The following STXBP3 variants were observed in gnomAD, a reference collection of about 807,000 sequenced individuals.
STXBP3 encodes syntaxin binding protein 3.
In STXBP3, 41 loss-of-function variants were observed where a neutral mutation model predicts 85.7. The ratio of observed to expected loss-of-function variants is 0.48; its 90% CI spans 0.37 to 0.62. STXBP3 has a LOEUF of 0.62. STXBP3 is among the 20% of genes least tolerant of loss of function. STXBP3 has a pLI of 0.00. For missense variants in STXBP3, 563 were observed against 703.1 expected, an observed-to-expected ratio of 0.80 and a Z score of 2.25; for synonymous variants, 229 against 231.7, an observed-to-expected ratio of 0.99 and a Z score of 0.10.
At chr1:108,762,423 G>A (rs1445115807) in intron 6 of STXBP3, among the ~76,000 whole-genome samples, 2 of 151,792 alleles carry the variant, frequency 1.3e-5, no homozygotes, top group Non-Finnish European at 2.9e-5. Flanking sequence ...ATTGTCAGGG[G>A]TCTAGTCTCC....
chr1:108,783,158 G>A (rs1662751018), intron 11 of STXBP3, among the ~76,000 whole-genome samples: 1 of 152,224 alleles, frequency 6.6e-6, no homozygotes, highest in Non-Finnish European at 1.5e-5. Flanking sequence ...GGGATTACAG[G>A]TGTGAGCCAC....
intron 1 of STXBP3, among the ~76,000 whole-genome samples, chr1:108,747,541 G>T (rs1472483134): frequency 6.6e-6 from 1 of 152,104 alleles, no homozygotes; most frequent in Non-Finnish European, 1.5e-5. Context: ...ACCTAGGTCT[G>T]GCAGGTTAGA....
At chr1:108,788,802 C>T (rs1192566291) in intron 11 of STXBP3, among the ~76,000 whole-genome samples, 1 of 152,144 alleles carries the variant, frequency 6.6e-6, no homozygotes, top group Non-Finnish European at 1.5e-5. Flanking sequence ...TGGCTCACGT[C>T]TGTAATCCCA....
chr1:108,807,228 A>G (rs193157640), intron 17 of STXBP3, among the ~76,000 whole-genome samples, 173 bp from the exon 18 acceptor site: 321 of 148,148 alleles, frequency 2.2e-3, no homozygotes, highest in African/African-American at 7.8e-3. Context: ...ACTGCAGTCC[A>G]GCCTGGGCTA....
Position 108,756,840 on chromosome 1 carries a change from CA to C in STXBP3, c.258+77del, listed in dbSNP as rs1244278338. 4.3e-6 allele frequency: 5 copies of C among 1,160,808 alleles called. No homozygotes were observed. In the African/African-American group the frequency reaches 7.9e-5, roughly 18 times the overall value. 71.9% of individuals were successfully genotyped at this position (1,160,808 alleles called of 1,614,324 possible). On this transcript the variant is annotated intron_variant, in intron 4 of 18. Transcript: ENST00000370008. The stretch of plus-strand genomic sequence containing the variant: ...TGTTATGGTTTACTAACAGAAAATT[CA>C]AAGTAATAAAGTACACTTTAGTAGA...
At chr1:108,767,519 C>A in intron 6 of STXBP3, 1 of 179,498 alleles carries the variant, frequency 5.6e-6, no homozygotes, top group South Asian at 1.1e-4. Flanking sequence ...TCCTGCTTGT[C>A]ACACCTGTGT....
rs755259572 is a variant in STXBP3, at chr1:108,772,838, G to A, written c.593+19G>A. 2 of 1,563,432 alleles carry A rather than the reference G, an allele frequency of 1.3e-6. No homozygotes were observed. Among genetic ancestry groups the A allele is most frequent in the South Asian group, 1.2e-5 (1 of 85,456 alleles). ...ATAAAAGGTAAGACACTGAGCATCT[G>A]CACATGTTATGCTTCCTATTTACCA... is the stretch of plus-strand genomic sequence containing the variant. On this transcript the variant is annotated intron_variant, in intron 7 of 18. Transcript: ENST00000370008.
In STXBP3 at chr1:108,782,262, G is replaced by A. The variant is rs1215660805; in HGVS notation, c.810-160G>A. On this transcript the variant is annotated intron_variant, in intron 9 of 18. Transcript: ENST00000370008. ...TTATTTTTAATGTAAGGATAGCAGC[G>A]TGCCTTAGTTTTGAGTAGGTATTCA... 7.3e-5 allele frequency: 42 copies of A among 571,718 alleles called. No individual in the cohort carries two copies. The Admixed American group carries it at 7.6e-4, about 10-fold the overall frequency. The allele number at this position is 571,718 out of a possible 1,614,324, so 35.4% of individuals were successfully genotyped here. A position where few individuals can be genotyped will look rare whatever the true frequency, so the allele number is the denominator to read the frequency against.
chr1:108,796,756 T>G (rs1663112836), intron 15 of STXBP3, 30 bp downstream of exon 15: 1 of 1,565,786 alleles, frequency 6.4e-7, no homozygotes, highest in Admixed American at 1.8e-5. Flanking sequence ...GTATATACTT[T>G]ATATGTATGT....
In STXBP3 at chr1:108,808,925, A is replaced by G. The variant is rs1663400159; in HGVS notation, c.*48A>G. The G allele has an allele frequency of 7.9e-7, 1 of 1,259,292 alleles. No homozygotes were observed. Among genetic ancestry groups the G allele is most frequent in the Non-Finnish European group, 1.1e-6 (1 of 889,846 alleles). The allele number at this position is 1,259,292 out of a possible 1,614,324, so 78.0% of individuals were successfully genotyped here. On this transcript the variant is annotated 3_prime_UTR_variant, in exon 19 of 19. Transcript: ENST00000370008. ...AGATTCTTACTAATATGTTGAACTAAAATAGAAAGAAAATGTTGCTGTCAT... is the reference window on the plus strand; with the variant it reads ...AGATTCTTACTAATATGTTGAACTAGAATAGAAAGAAAATGTTGCTGTCAT...
At position 108,776,438 on chromosome 1, in the gene STXBP3, G is replaced by T; in HGVS notation, c.684+15G>T. 1 of 1,568,302 alleles carries T rather than the reference G, an allele frequency of 6.4e-7. No homozygotes were observed. On this transcript the variant is annotated intron_variant, in intron 8 of 18. Transcript: ENST00000370008. ...GCCTAATAAAGGTAATGTATGCAAG[G>T]CAAGTAATGACTATGCATAAAGTCT... is the stretch of plus-strand genomic sequence containing the variant.
At chr1:108,807,637 C>A in intron 18 of STXBP3, 88 bp downstream of exon 18, 1 of 1,391,160 alleles carries the variant, frequency 7.2e-7, no homozygotes, top group Non-Finnish European at 9.6e-7. Flanking sequence ...AGTGGAATGG[C>A]GCAATCTTGG....
At chr1:108,775,106 CAG>C (rs941580336) in intron 7 of STXBP3, among the ~76,000 whole-genome samples, 10 of 151,796 alleles carry the variant, frequency 6.6e-5, no homozygotes, top group Admixed American at 1.3e-4. Flanking sequence ...ATTTATTGTA[CAG>C]AGTTTAATTA....
chr1:108,772,651 T>C lies in STXBP3; in HGVS notation c.439-14T>C. The C allele has an allele frequency of 7.3e-7, 1 of 1,372,352 alleles. No homozygotes were observed. The highest frequency in any genetic ancestry group is 2.3e-5 in the South Asian group (1 of 44,054). 85.0% of individuals were successfully genotyped at this position (1,372,352 alleles called of 1,614,324 possible). A position where few individuals can be genotyped will look rare whatever the true frequency, so the allele number is the denominator to read the frequency against. ...GTCTCCAGATTAACAGTGAGTTTTT[T>C]TGTCTTAACTTAGGTGTATACTCTT... On this transcript the variant is annotated splice_polypyrimidine_tract_variant and intron_variant, in intron 6 of 18. Transcript: ENST00000370008.
In STXBP3 at chr1:108,760,400, C is replaced by T. The variant is rs374917240; in HGVS notation, c.438+315C>T. Among the ~76,000 whole-genome samples, 411 of 152,138 alleles carry T rather than the reference C, an allele frequency of 2.7e-3. 3 individuals are homozygous for T. Among genetic ancestry groups the T allele is most frequent in the African/African-American group, 9.3e-3 (385 of 41,526 alleles). ...ACTCCAAAAAAAGTGTTTCATTTAG[C>T]TTGTGTAACCTTTTGTGATATTAAA... On this transcript the variant is annotated intron_variant, in intron 6 of 18. Coordinates refer to ENST00000370008, the MANE Select transcript of STXBP3 (RefSeq NM_007269.4).
intron 3 of STXBP3, among the ~76,000 whole-genome samples, chr1:108,755,765 T>C (rs1240172831): frequency 6.6e-6 from 1 of 152,154 alleles, no homozygotes; most frequent in African/African-American, 2.4e-5. Context: ...TAAACCTTAA[T>C]TTTTTCAAGT....
intron 17 of STXBP3, among the ~76,000 whole-genome samples, chr1:108,801,886 C>A (rs1236659426): frequency 6.6e-6 from 1 of 151,902 alleles, no homozygotes; most frequent in East Asian, 1.9e-4. Flanking sequence ...CCAGGCTGGT[C>A]TTGAACTCCT....
intron 17 of STXBP3, 79 bp from the exon 18 acceptor site, chr1:108,807,322 G>T: frequency 6.9e-7 from 1 of 1,440,456 alleles, no homozygotes; most frequent in Non-Finnish European, 9.3e-7. Flanking sequence ...GTTGAGTTAG[G>T]CTTTTTAAGT....
rs761469761 is a variant in STXBP3 at position 108,808,778 on chromosome 1, A to T, written c.1685-5A>T. ...CCTCTGAAAAATTCTCTTTTCTCCT[A>T]CCAGGTTCTACACATGTTTTAACAC... On this transcript the variant is annotated splice_polypyrimidine_tract_variant and splice_region_variant and intron_variant, in intron 18 of 18. Coordinates refer to ENST00000370008, the MANE Select transcript of STXBP3 (RefSeq NM_007269.4). 1.2e-5 allele frequency: 20 copies of T among 1,609,290 alleles called. No homozygotes were observed. The highest frequency in any genetic ancestry group is 1.6e-5 in the Non-Finnish European group (19 of 1,177,360).
Sources: gnomAD v4.1 joint callset for allele counts (sites outside exome capture counted in the v4.1 genomes callset) on GRCh38, gnomAD v4.1.1 for gene constraint, MANE v1.5 for transcripts, NCBI Gene and HGNC (gene_info 2026-07-23, HGNC 2026-07-21) for gene names.